STAU2: variants seen among roughly 807,000 people sequenced by gnomAD.
STAU2 encodes double-stranded RNA-binding protein Staufen homolog 2.
In STAU2, 20 loss-of-function variants were observed where a neutral mutation model predicts 65.9. The ratio of observed to expected loss-of-function variants is 0.30; its 90% CI spans 0.21 to 0.44. The LOEUF is 0.44. Ranked by LOEUF, STAU2 falls within the 20% of genes least tolerant of loss-of-function variation. The pLI is 1.00. For synonymous variants in STAU2, 232 were observed against 233.9 expected, an observed-to-expected ratio of 0.99 and a Z score of 0.07; for missense variants, 558 against 683.9, an observed-to-expected ratio of 0.82 and a Z score of 2.05.
At chr8:73,513,678 T>A (rs1184219838) in intron 13 of STAU2, among the ~76,000 whole-genome samples, 1 of 152,214 alleles carries the variant, frequency 6.6e-6, no homozygotes, top group East Asian at 1.9e-4. Context: ...AGTCTGCTGA[T>A]ACACTGTTGG....
intron 11 of STAU2, among the ~76,000 whole-genome samples, chr8:73,584,005 T>C (rs1366833651): frequency 6.6e-6 from 1 of 152,172 alleles, no homozygotes; most frequent in African/African-American, 2.4e-5. Context: ...TTGCTGCAAA[T>C]AGTTTACCCA....
intron 13 of STAU2, among the ~76,000 whole-genome samples, chr8:73,447,493 C>T (rs991748035): frequency 6.6e-6 from 1 of 152,172 alleles, no homozygotes; most frequent in African/African-American, 2.4e-5. Flanking sequence ...CCAGTTCTTA[C>T]CAAAAATGCT....
chr8:73,503,255 A>C (rs1821864260), intron 13 of STAU2, among the ~76,000 whole-genome samples: 1 of 152,094 alleles, frequency 6.6e-6, no homozygotes, highest in Non-Finnish European at 1.5e-5. Context: ...AGTACATCGA[A>C]GTGCTTTATA....
intron 1 of STAU2, chr8:73,742,103 T>C (rs1383412018): frequency 7.4e-6 from 4 of 541,080 alleles, no homozygotes; most frequent in Non-Finnish European, 9.4e-6. Context: ...ATGTTCACAG[T>C]GGCACGTCTT....
At chr8:73,566,204 C>A (rs538005166) in intron 12 of STAU2, among the ~76,000 whole-genome samples, 3 of 152,224 alleles carry the variant, frequency 2.0e-5, no homozygotes, top group African/African-American at 7.2e-5. Context: ...AACCAGAAAG[C>A]TTGGAATAAA....
intron 6 of STAU2, among the ~76,000 whole-genome samples, chr8:73,659,498 T>C (rs548975617): frequency 1.1e-4 from 16 of 151,986 alleles, no homozygotes; most frequent in South Asian, 2.1e-4. Context: ...GATCGCGCCA[T>C]TGCACTCCAG....
chr8:73,688,064 G>A (rs568547853), intron 5 of STAU2, among the ~76,000 whole-genome samples: 2 of 150,342 alleles, frequency 1.3e-5, no homozygotes, highest in African/African-American at 4.9e-5. Flanking sequence ...TCTGTGCTTT[G>A]TATTCAAATA....
chr8:73,472,030 A>G (rs1026782112), intron 13 of STAU2, among the ~76,000 whole-genome samples: 4 of 152,276 alleles, frequency 2.6e-5, no homozygotes, highest in Admixed American at 6.5e-5. Context: ...TGCTAACACT[A>G]TTAACAAAAC....
At chr8:73,556,584 C>A (rs1030197316) in intron 12 of STAU2, among the ~76,000 whole-genome samples, 1 of 152,232 alleles carries the variant, frequency 6.6e-6, no homozygotes, top group South Asian at 2.1e-4. Context: ...GTTGAAACCC[C>A]GTCTCTACTA....
chr8:73,692,442 C>T (rs1819395005), intron 4 of STAU2, among the ~76,000 whole-genome samples: 2 of 152,080 alleles, frequency 1.3e-5, no homozygotes, highest in South Asian at 2.1e-4. Flanking sequence ...GTGATCCACC[C>T]ACCTCAGCCT....
chr8:73,585,114 A>G (rs890018635), intron 11 of STAU2, among the ~76,000 whole-genome samples: 4 of 152,158 alleles, frequency 2.6e-5, no homozygotes, highest in African/African-American at 4.8e-5. Context: ...TTCATTTTTA[A>G]TAAGTGGAAT....
At chr8:73,682,803 A>T (rs1286117605) in intron 5 of STAU2, among the ~76,000 whole-genome samples, 1 of 152,164 alleles carries the variant, frequency 6.6e-6, no homozygotes, top group African/African-American at 2.4e-5. Flanking sequence ...ATACCAGAGA[A>T]ATACAAAATA....
At chr8:73,424,372 T>C (rs938327795) in intron 13 of STAU2, among the ~76,000 whole-genome samples, 1 of 151,986 alleles carries the variant, frequency 6.6e-6, no homozygotes, top group Non-Finnish European at 1.5e-5. Flanking sequence ...AGCTAATTTT[T>C]GTATTTTTAG....
At chr8:73,740,034 TG>T (rs1278293414) in intron 1 of STAU2, among the ~76,000 whole-genome samples, 166 bp from the exon 2 acceptor site, 3 of 152,212 alleles carry the variant, frequency 2.0e-5, no homozygotes, top group African/African-American at 7.2e-5. Context: ...GAAAAGCCTC[TG>T]GCCAACAGCC....
At chr8:73,658,916 A>AAAC (rs1354903801) in intron 6 of STAU2, among the ~76,000 whole-genome samples, 15 of 129,402 alleles carry the variant, frequency 1.2e-4, no homozygotes, top group African/African-American at 2.9e-4. Context: ...CCGTCTCAAA[A>AAAC]AACAACAACA....
At chr8:73,619,602 T>C (rs943434511) in intron 6 of STAU2, among the ~76,000 whole-genome samples, 1 of 152,178 alleles carries the variant, frequency 6.6e-6, no homozygotes, top group African/African-American at 2.4e-5. Context: ...CTAGAAATGT[T>C]GATTGGTACT....
chr8:73,511,029 G>A (rs931792795), intron 13 of STAU2, among the ~76,000 whole-genome samples: 6 of 152,246 alleles, frequency 3.9e-5, no homozygotes, highest in Admixed American at 3.3e-4. Context: ...GGTGACCACT[G>A]AAGGCAGTGT....
intron 13 of STAU2, chr8:73,458,694 T>C (rs1200434189): frequency 6.6e-6 from 1 of 152,266 alleles, no homozygotes; most frequent in African/African-American, 2.4e-5. Context: ...TACATGAATC[T>C]GATCCTTGTC....
intron 13 of STAU2, among the ~76,000 whole-genome samples, chr8:73,433,066 T>G (rs891874315): frequency 2.0e-5 from 3 of 152,222 alleles, no homozygotes; most frequent in African/African-American, 7.2e-5. Flanking sequence ...AGAGTGGAAC[T>G]GACAGCAGGA....
Sources: allele counts gnomAD v4.1 joint callset (sites outside exome capture counted in the v4.1 genomes callset), GRCh38; gene constraint gnomAD v4.1.1; transcripts MANE v1.5; gene names NCBI Gene and HGNC (gene_info 2026-07-23, HGNC 2026-07-21).